The following SETBP1 variants were observed in gnomAD, a reference collection of about 807,000 sequenced individuals.
The protein encoded by SETBP1 is SET-binding protein.
Under a neutral mutation model 101.0 loss-of-function variants are expected in SETBP1, and 9 were observed. The ratio of observed to expected loss-of-function variants is 0.09; its 90% CI spans 0.05 to 0.16. SETBP1 has a LOEUF of 0.16. Ranked by LOEUF, SETBP1 falls within the 10% of genes least tolerant of loss-of-function variation. The probability of loss-of-function intolerance (pLI) is 1.00; values close to 1 mark genes in which losing one functional copy is unlikely to be tolerated. For synonymous variants in SETBP1, 818 were observed against 788.5 expected, an observed-to-expected ratio of 1.04 and a Z score of -0.63; for missense variants, 1,858 against 2,033.8, an observed-to-expected ratio of 0.91 and a Z score of 1.66.
intron 2 of SETBP1, among the ~76,000 whole-genome samples, chr18:44,754,613 C>T (rs777498015): frequency 3.3e-5 from 5 of 152,016 alleles, no homozygotes; most frequent in Non-Finnish European, 7.4e-5. Context: ...AAATAAGTAC[C>T]ACATACTCAT....
intron 2 of SETBP1, among the ~76,000 whole-genome samples, chr18:44,781,209 G>A (rs147060512): frequency 9.2e-5 from 14 of 152,248 alleles, no homozygotes; most frequent in Non-Finnish European, 1.8e-4. Flanking sequence ...GAATTTAAGC[G>A]AGGGAATGAA....
chr18:44,970,878 T>C (rs140106878), intron 4 of SETBP1, among the ~76,000 whole-genome samples: 2 of 151,956 alleles, frequency 1.3e-5, no homozygotes, highest in African/African-American at 4.8e-5. Flanking sequence ...TTTTTTTTTT[T>C]AATTATACTT....
intron 3 of SETBP1, among the ~76,000 whole-genome samples, chr18:44,901,497 A>T (rs954564209): frequency 1.3e-5 from 2 of 152,156 alleles, no homozygotes; most frequent in African/African-American, 4.8e-5. Flanking sequence ...GCAGCACTTC[A>T]GCCTGTGGCC....
chr18:45,058,577 G>A (rs2073844994), intron 5 of SETBP1, among the ~76,000 whole-genome samples: 1 of 152,292 alleles, frequency 6.6e-6, no homozygotes, highest in East Asian at 1.9e-4. Flanking sequence ...GTTTATCTCA[G>A]TTCACCTTGT....
intron 5 of SETBP1, among the ~76,000 whole-genome samples, chr18:45,056,699 G>A (rs191788130): frequency 1.4e-3 from 212 of 152,128 alleles, no homozygotes; most frequent in Non-Finnish European, 2.7e-3. Flanking sequence ...CCCTTCCTGA[G>A]AAGATTAGAG....
intron 3 of SETBP1, among the ~76,000 whole-genome samples, chr18:44,938,345 T>A (rs536948338): frequency 3.9e-5 from 6 of 152,250 alleles, no homozygotes; most frequent in Admixed American, 6.5e-5. Flanking sequence ...TGGCTGCCTC[T>A]AAATTGTCTC....
chr18:44,822,828 A>G (rs554789925), intron 2 of SETBP1, among the ~76,000 whole-genome samples: 6 of 152,356 alleles, frequency 3.9e-5, no homozygotes, highest in African/African-American at 1.2e-4. Flanking sequence ...AAAGTCAACA[A>G]TTACAGTTGT....
chr18:44,682,468 A>G (rs1473925479), intron 1 of SETBP1, among the ~76,000 whole-genome samples: 2 of 152,170 alleles, frequency 1.3e-5, no homozygotes, highest in African/African-American at 2.4e-5. Flanking sequence ...TTACCATCCC[A>G]GGTCACTCCC....
chr18:44,740,020 T>C (rs989110539), intron 2 of SETBP1, among the ~76,000 whole-genome samples: 2 of 152,240 alleles, frequency 1.3e-5, no homozygotes, highest in African/African-American at 4.8e-5. Flanking sequence ...CTAAGAGTTG[T>C]CACGGTTCCC....
At chr18:44,986,249 A>G (rs1353095639) in intron 4 of SETBP1, 3 of 152,238 alleles carry the variant, frequency 2.0e-5, no homozygotes, top group Non-Finnish European at 4.4e-5. Flanking sequence ...GTATCTAAAC[A>G]TAGAAAAGGT....
At position 44,952,045 on chromosome 18, in the gene SETBP1, C is replaced by G. The variant is rs139479590; in HGVS notation, c.2705C>G (p.Pro902Arg). ...TTTGATTTCTGCTCCCTGGACAACC[C>G]GGAGGCCATTCCGTCCGACACCAGC... ...YSFDFCSLDNPEAIPSDTSTK... is the reference protein window; with the variant it reads ...YSFDFCSLDNREAIPSDTSTK... Residue 902 changes from proline (P) to arginine (R), a missense_variant, in exon 4 of 6, where the codon CCG (proline) becomes CGG (arginine). Pro to Arg is a moderately radical substitution (Grantham distance 103). Around this residue, in one of 12 missense-constraint regions of SETBP1, gnomAD observed 255 missense variants for 300.1 expected, o/e 0.85. Coordinates refer to ENST00000649279, the MANE Select transcript of SETBP1 (RefSeq NM_015559.3). 21 of 1,613,922 alleles carry G rather than the reference C, an allele frequency of 1.3e-5. No homozygotes were observed. Among genetic ancestry groups the G allele is most frequent in the Non-Finnish European group, 1.8e-5 (21 of 1,180,016 alleles).
chr18:44,744,798 T>C (rs2070198100), intron 2 of SETBP1, among the ~76,000 whole-genome samples: 2 of 148,652 alleles, frequency 1.3e-5, no homozygotes, highest in African/African-American at 5.0e-5. Flanking sequence ...AAAAAAACGC[T>C]TTCTTCGTGC....
At chr18:44,767,209 G>A (rs1307336543) in intron 2 of SETBP1, among the ~76,000 whole-genome samples, 1 of 152,242 alleles carries the variant, frequency 6.6e-6, no homozygotes. Flanking sequence ...CACAGATGAT[G>A]CGCTCATCTG....
intron 4 of SETBP1, among the ~76,000 whole-genome samples, chr18:45,014,490 T>A (rs2145392503): frequency 6.6e-6 from 1 of 152,294 alleles, no homozygotes; most frequent in East Asian, 1.9e-4. Flanking sequence ...CAGGTTCATG[T>A]AGAATGGAAT....
intron 2 of SETBP1, among the ~76,000 whole-genome samples, chr18:44,827,660 C>T (rs2072266160): frequency 6.6e-6 from 1 of 152,184 alleles, no homozygotes; most frequent in Non-Finnish European, 1.5e-5. Flanking sequence ...CTAGAGTTAA[C>T]AAACCTTATT....
chr18:44,876,609 C>T, intron 3 of SETBP1: 4 of 1,551,418 alleles, frequency 2.6e-6, no homozygotes, highest in Non-Finnish European at 3.5e-6. Flanking sequence ...GAAGAGGAGG[C>T]CAAGGCATCC....
intron 2 of SETBP1, among the ~76,000 whole-genome samples, chr18:44,856,012 A>C (rs1449563645): frequency 6.6e-6 from 1 of 151,022 alleles, no homozygotes; most frequent in Non-Finnish European, 1.5e-5. Context: ...GTTTGGATCT[A>C]ACTTCAGTCA....
In SETBP1 at chr18:44,922,932, A is replaced by G. The variant is rs186949697; in HGVS notation, c.541-26949A>G. ...TCCAAGGGATGAGAAGAAGAGTGTC[A>G]GGGACCACTCTGGGAGATAACTAAC... On this transcript the variant is annotated intron_variant, in intron 3 of 5. Transcript: ENST00000649279. 2.2e-3 allele frequency among the ~76,000 whole-genome samples: 330 copies of G among 152,332 alleles called. 5 individuals are homozygous for G. Among genetic ancestry groups the G allele is most frequent in the African/African-American group, 7.6e-3 (317 of 41,578 alleles).
chr18:44,984,825 T>C (rs1358177561), intron 4 of SETBP1, among the ~76,000 whole-genome samples: 1 of 152,144 alleles, frequency 6.6e-6, no homozygotes, highest in Non-Finnish European at 1.5e-5. Context: ...AGGCACGAAT[T>C]TTAAGTTTAC....
Sources: allele counts gnomAD v4.1 joint callset (sites outside exome capture counted in the v4.1 genomes callset), GRCh38; gene constraint gnomAD v4.1.1; regional missense constraint gnomAD v4.1.1; transcripts MANE v1.5; gene names NCBI Gene and HGNC (gene_info 2026-07-23, HGNC 2026-07-21).